Variants in PPP1R16A observed in about 807,000 individuals in gnomAD.
PPP1R16A encodes myosin phosphatase-targeting subunit 3.
PPP1R16A carries 39 observed loss-of-function variants against 46.6 expected under a neutral mutation model. The ratio of observed to expected loss-of-function variants is 0.84; its 90% CI spans 0.65 to 1.09. The LOEUF (loss-of-function observed/expected upper bound fraction) is 1.09, where lower values mean the gene tolerates loss of function less well. Among genes scored for constraint, PPP1R16A ranks in the 50% least tolerant of loss-of-function variants. The pLI is 0.00. For missense variants in PPP1R16A, 798 were observed against 735.6 expected, an observed-to-expected ratio of 1.08 and a Z score of -0.98; for synonymous variants, 413 against 321.5, an observed-to-expected ratio of 1.28 and a Z score of -3.04.
intron 1 of PPP1R16A, among the ~76,000 whole-genome samples, chr8:144,486,871 G>A (rs180688959): frequency 6.6e-5 from 10 of 152,164 alleles, no homozygotes; most frequent in Admixed American, 2.0e-4. Flanking sequence ...CAGTTTTTCC[G>A]TTTTCCGTTT....
At position 144,501,282 on chromosome 8, in the gene PPP1R16A, G is replaced by T. The variant is rs1038366574; in HGVS notation, c.1191G>T (p.Pro397=). ...DDRQTGAELR[P]PPPEEDNPEV... is the part of the protein sequence containing the mutation. ...GCCAGACAGGCGCAGAGCTCAGGCC[G>T]CCGCCCCCGGAGGTGAGCGCCCCGT... The change falls in exon 11 of 12, where the codon CCG becomes CCT. Residue 397 remains proline, a synonymous_variant. Coordinates refer to ENST00000435887, the MANE Select transcript of PPP1R16A (RefSeq NM_001329443.2). 3 of 1,588,274 alleles carry T rather than the reference G, an allele frequency of 1.9e-6. No homozygotes were observed. Among genetic ancestry groups the T allele is most frequent in the Non-Finnish European group, 2.6e-6 (3 of 1,172,574 alleles).
At chr8:144,481,160 G>T (rs533879383) in intron 1 of PPP1R16A, among the ~76,000 whole-genome samples, 94 of 151,652 alleles carry the variant, frequency 6.2e-4, no homozygotes, top group African/African-American at 2.3e-3. Flanking sequence ...AAAGTGCTGG[G>T]ATTACAGGCG....
rs976764781 is a variant in PPP1R16A, at chr8:144,502,027, C to T, written c.*124C>T. On this transcript the variant is annotated 3_prime_UTR_variant, in exon 12 of 12. Coordinates refer to ENST00000435887, the MANE Select transcript of PPP1R16A (RefSeq NM_001329443.2). ...CGGCTTCTACTGTACAGGACACTGGCCCCTCTCAGGTCAGAAGACATGCCT... is the reference window on the plus strand; with the variant it reads ...CGGCTTCTACTGTACAGGACACTGGTCCCTCTCAGGTCAGAAGACATGCCT... The T allele has an allele frequency of 1.1e-5, 11 of 975,448 alleles. No homozygotes were observed. Among genetic ancestry groups the T allele is most frequent in the Admixed American group, 6.0e-5 (2 of 33,444 alleles). 60.4% of individuals were successfully genotyped at this position (975,448 alleles called of 1,614,324 possible). A position where few individuals can be genotyped will look rare whatever the true frequency, so the allele number is the denominator to read the frequency against.
At chr8:144,484,201 A>G (rs1586738514) in intron 1 of PPP1R16A, among the ~76,000 whole-genome samples, 2 of 152,224 alleles carry the variant, frequency 1.3e-5, no homozygotes, top group East Asian at 3.9e-4. Flanking sequence ...CCTAGACCGA[A>G]AGGTCTGTGT....
chr8:144,481,516 T>C (rs1277605851), intron 1 of PPP1R16A, among the ~76,000 whole-genome samples: 1 of 151,780 alleles, frequency 6.6e-6, no homozygotes, highest in Non-Finnish European at 1.5e-5. Context: ...TGGTGGCGCA[T>C]GCCTGTAATT....
intron 1 of PPP1R16A, among the ~76,000 whole-genome samples, chr8:144,487,226 C>G (rs1268679504): frequency 6.6e-6 from 1 of 152,110 alleles, no homozygotes; most frequent in African/African-American, 2.4e-5. Context: ...GCAATCCTTC[C>G]CCCTCAGCCT....
Position 144,500,835 on chromosome 8 carries a change from T to C in PPP1R16A, c.908-7T>C, listed in dbSNP as rs374889154. On this transcript the variant is annotated splice_region_variant and splice_polypyrimidine_tract_variant and intron_variant, in intron 9 of 11. Coordinates refer to ENST00000435887, the MANE Select transcript of PPP1R16A (RefSeq NM_001329443.2). Reference sequence around the variant, plus strand: ...GGGCGCCCCTGACGCCTGCGCCCACTTCTCAGATGTGTGCGGGGACGAGGA... The same window carrying C: ...GGGCGCCCCTGACGCCTGCGCCCACCTCTCAGATGTGTGCGGGGACGAGGA... 1 of 1,579,330 alleles carries C rather than the reference T, an allele frequency of 6.3e-7. No homozygotes were observed. Among genetic ancestry groups the C allele is most frequent in the South Asian group, 1.1e-5 (1 of 87,824 alleles).
intron 1 of PPP1R16A, among the ~76,000 whole-genome samples, chr8:144,486,310 G>A (rs1053718502): frequency 2.6e-5 from 4 of 151,968 alleles, no homozygotes; most frequent in Non-Finnish European, 4.4e-5. Flanking sequence ...ATGTGATCCC[G>A]CCTGCCCCAG....
At chr8:144,479,183 C>A (rs1050265523) in intron 1 of PPP1R16A, 2 of 152,336 alleles carry the variant, frequency 1.3e-5, no homozygotes, top group African/African-American at 4.8e-5. Flanking sequence ...GATTCAGGGA[C>A]CCAGAGCCAC....
intron 2 of PPP1R16A, among the ~76,000 whole-genome samples, chr8:144,494,402 T>C (rs1473298187): frequency 6.6e-6 from 1 of 151,880 alleles, no homozygotes; most frequent in Non-Finnish European, 1.5e-5. Flanking sequence ...AGCCTCTACC[T>C]CCCGGGCTCA....
intron 1 of PPP1R16A, among the ~76,000 whole-genome samples, chr8:144,485,307 G>A (rs1207496614): frequency 6.8e-6 from 1 of 147,678 alleles, no homozygotes; most frequent in Non-Finnish European, 1.5e-5. Flanking sequence ...TGGATCACTT[G>A]AGGTCAGGAG....
At position 144,500,599 on chromosome 8, in the gene PPP1R16A, C is replaced by T. The variant is rs1826375212; in HGVS notation, c.818C>T (p.Ala273Val). The stretch of plus-strand genomic sequence containing the variant: ...GGCTGGGAGCCGCTGCACGCCGCGG[C>T]CTACTGGGGCCAGGTGAGTGCGGGC... The part of the protein sequence containing the change: ...QDGWEPLHAA[A>V]YWGQVPLVEL... Residue 273 changes from alanine (A) to valine (V), a missense_variant, in exon 8 of 12, where the codon GCC (alanine) becomes GTC (valine). By Grantham distance (64) the Ala-to-Val change is moderately conservative (BLOSUM62 0). Transcript: ENST00000435887. 2 of 1,600,400 alleles carry T rather than the reference C, an allele frequency of 1.2e-6. No individual in the cohort carries two copies. Among genetic ancestry groups the T allele is most frequent in the Non-Finnish European group, 1.7e-6 (2 of 1,179,032 alleles).
chr8:144,484,267 C>A (rs1825555532), intron 1 of PPP1R16A, among the ~76,000 whole-genome samples: 1 of 152,242 alleles, frequency 6.6e-6, no homozygotes, highest in African/African-American at 2.4e-5. Flanking sequence ...AGCGCCGACC[C>A]CTCTGAAGCT....
At position 144,497,031 on chromosome 8, in the gene PPP1R16A, T is replaced by G; in HGVS notation, c.-164T>G. ...CCCCCCAGGGCTGCCTGGGCCTGGT[T>G]ATTGTGTGGGGCCTCCTGACCCAGC... On this transcript the variant is annotated 5_prime_UTR_variant, in exon 3 of 12. The change creates a premature stop within an existing upstream ORF in the 5' untranslated region. Transcript: ENST00000435887. The G allele has an allele frequency of 8.8e-6, 8 of 907,486 alleles. No homozygotes were observed. Among genetic ancestry groups the G allele is most frequent in the African/African-American group, 1.7e-5 (1 of 60,080 alleles). 56.2% of individuals were successfully genotyped at this position (907,486 alleles called of 1,614,324 possible). A position where few individuals can be genotyped will look rare whatever the true frequency, so the allele number is the denominator to read the frequency against.
Position 144,497,456 on chromosome 8 carries a change from G to A in PPP1R16A, c.259+3G>A, listed in dbSNP as rs1485009425. 3 of 1,612,478 alleles carry A rather than the reference G, an allele frequency of 1.9e-6. No individual in the cohort carries two copies. Among genetic ancestry groups the A allele is most frequent in the African/African-American group, 1.3e-5 (1 of 74,944 alleles). ...TGCCCGAAATGACCTGGAAGAAGGT[G>A]AGTGTGGCTGAGCCCAGAGCAGCTC... On this transcript the variant is annotated splice_donor_region_variant and intron_variant, in intron 3 of 11. Transcript: ENST00000435887.
chr8:144,480,222 C>A (rs749623244), intron 1 of PPP1R16A, among the ~76,000 whole-genome samples: 39 of 152,214 alleles, frequency 2.6e-4, no homozygotes, highest in Non-Finnish European at 4.7e-4. Flanking sequence ...AAGCTGGTAG[C>A]ACCAAATAAA....
rs1278053114 is a variant in PPP1R16A, at chr8:144,497,155, C to G, written c.-40C>G. 2 of 1,541,254 alleles carry G rather than the reference C, an allele frequency of 1.3e-6. No individual in the cohort carries two copies. The highest frequency in any genetic ancestry group is 1.7e-6 in the Non-Finnish European group (2 of 1,146,948). ...CAGCCTGGCCCCCAAGCTCCCCACT[C>G]TGGTGCCCCGAGCAGCCCTGTGGGC... On this transcript the variant is annotated 5_prime_UTR_variant, in exon 3 of 12. Transcript: ENST00000435887.
At chr8:144,486,074 G>GT (rs1370130974) in intron 1 of PPP1R16A, among the ~76,000 whole-genome samples, 11 of 152,106 alleles carry the variant, frequency 7.2e-5, no homozygotes, top group Admixed American at 7.2e-4. Flanking sequence ...AAGACATTTG[G>GT]TTTTTTCCCC....
chr8:144,494,210 G>T lies in PPP1R16A; in HGVS notation c.-734-2251G>T, dbSNP rs897480220. 4.6e-5 allele frequency among the ~76,000 whole-genome samples: 7 copies of T among 152,212 alleles called. No individual in the cohort carries two copies. The South Asian group carries it at 1.2e-3, about 27-fold the overall frequency. Reference sequence around the variant, plus strand: ...TGGTCTCGAACTCTTGGGCTCAAGCGACCAGCCTGCTTAGGCCTCCCAAAG... The same window carrying T: ...TGGTCTCGAACTCTTGGGCTCAAGCTACCAGCCTGCTTAGGCCTCCCAAAG... On this transcript the variant is annotated intron_variant, in intron 2 of 11. Coordinates refer to ENST00000435887, the MANE Select transcript of PPP1R16A (RefSeq NM_001329443.2).
Sources: gnomAD v4.1 joint callset for allele counts (sites outside exome capture counted in the v4.1 genomes callset) on GRCh38, gnomAD v4.1.1 for gene constraint, MANE v1.5 for transcripts, NCBI Gene and HGNC (gene_info 2026-07-23, HGNC 2026-07-21) for gene names.